REXO1: variants seen among roughly 807,000 people sequenced by gnomAD.
REXO1 encodes RNA exonuclease 1 homolog, also known as REX1, RNA exonuclease 1 homolog.
REXO1 carries 42 observed loss-of-function variants against 102.6 expected under a neutral mutation model. That is an observed-to-expected ratio of 0.41 (90% CI 0.32 to 0.53). The LOEUF (loss-of-function observed/expected upper bound fraction) is 0.53. REXO1 is among the 20% of genes least tolerant of loss of function. The pLI is 0.27. For missense variants in REXO1, 1,819 were observed against 1,732.5 expected (o/e 1.05, Z -0.89); for synonymous variants, 908 against 779.1 (o/e 1.17, Z -2.76).
chr19:1,836,637 T>C lies in REXO1; in HGVS notation c.158-8006A>G, dbSNP rs138221332. 4.7e-3 allele frequency among the ~76,000 whole-genome samples: 698 copies of C among 148,680 alleles called. 29 individuals carry two copies. In the East Asian group the frequency reaches 0.096, roughly 21 times the overall value. ...GGCAGGCGCCTATAGTCCCAGCTACTTGGGAGGCTGAGACAGGAGAATCAC... is the reference window on the plus strand; with the variant it reads ...GGCAGGCGCCTATAGTCCCAGCTACCTGGGAGGCTGAGACAGGAGAATCAC... On this transcript the variant is annotated intron_variant, in intron 1 of 15. Coordinates refer to ENST00000170168, the MANE Select transcript of REXO1 (RefSeq NM_020695.4).
At chr19:1,835,890 C>T (rs781449167) in intron 1 of REXO1, among the ~76,000 whole-genome samples, 33 of 152,320 alleles carry the variant, frequency 2.2e-4, no homozygotes, top group Admixed American at 1.0e-3. Flanking sequence ...CCCAGGGCAA[C>T]GCAGCCCAGC....
rs752494930 is a variant in REXO1 at position 1,815,922 on chromosome 19, C to G, written c.*144G>C. 9.1e-6 allele frequency: 14 copies of G among 1,534,602 alleles called. No individual in the cohort carries two copies. The highest frequency in any genetic ancestry group is 8.7e-7 in the Non-Finnish European group (1 of 1,146,416). ...GCGGGGGTGGGCTGGGCTGGGCGTT[C>G]TCTGGCCGCCAGCTCATCCCGCTGC... is the stretch of plus-strand genomic sequence containing the variant. On this transcript the variant is annotated 3_prime_UTR_variant, in exon 16 of 16. Coordinates refer to ENST00000170168, the MANE Select transcript of REXO1 (RefSeq NM_020695.4). This position sits in a 1 kb window ranked among gnomAD's most constrained non-coding sequence, Gnocchi z 4.0.
intron 1 of REXO1, among the ~76,000 whole-genome samples, chr19:1,836,601 C>T (rs1016908583): frequency 6.6e-6 from 1 of 152,118 alleles, no homozygotes; most frequent in Non-Finnish European, 1.5e-5. Flanking sequence ...CACAAATTAG[C>T]CGGGCGTGGC....
rs1390978033 is a variant in REXO1, at chr19:1,828,657, T to C, written c.158-26A>G. ...CTGAAGGGAACAGAGAGCACAGCTGTGACCAGCCTGCCGGAGAGGAGCCCG... is the reference window on the plus strand; with the variant it reads ...CTGAAGGGAACAGAGAGCACAGCTGCGACCAGCCTGCCGGAGAGGAGCCCG... On this transcript the variant is annotated intron_variant, in intron 1 of 15. Coordinates refer to ENST00000170168, the MANE Select transcript of REXO1 (RefSeq NM_020695.4). 4 of 1,568,662 alleles carry C rather than the reference T, an allele frequency of 2.5e-6. No individual in the cohort carries two copies. The East Asian group carries it at 6.9e-5, about 27-fold the overall frequency.
rs2069619085 is a variant in REXO1 at position 1,823,694 on chromosome 19, C to T, written c.2108G>A (p.Arg703Lys). ...VCYLRAQQAQ[R>K]ASASLLQAPA... ...GGCCTGCAGCAAGCTCGCCGATGCC[C>T]TCTGCGCCTGCTGGGCCCGCAGGTA... is the stretch of plus-strand genomic sequence containing the variant. Residue 703 changes from arginine (R) to lysine (K), a missense_variant, in exon 4 of 16, where the codon AGG becomes AAG. Transcript: ENST00000170168. 2 of 1,282,858 alleles carry T rather than the reference C, an allele frequency of 1.6e-6. No homozygotes were observed. Among genetic ancestry groups the T allele is most frequent in the African/African-American group, 1.5e-5 (1 of 65,654 alleles). The allele number at this position is 1,282,858 out of a possible 1,614,324, so 79.5% of individuals were successfully genotyped here.
chr19:1,833,002 A>C (rs1318936355), intron 1 of REXO1, among the ~76,000 whole-genome samples: 4 of 151,838 alleles, frequency 2.6e-5, no homozygotes, highest in Admixed American at 2.6e-4. Flanking sequence ...GGCCAAGATG[A>C]GCAGACTGCT....
At chr19:1,843,965 G>A (rs548701249) in intron 1 of REXO1, among the ~76,000 whole-genome samples, 3 of 152,340 alleles carry the variant, frequency 2.0e-5, no homozygotes, top group East Asian at 1.9e-4. Flanking sequence ...CTCCCTTCTC[G>A]CCTGACTCGG....
chr19:1,839,466 A>C (rs774717578), intron 1 of REXO1, among the ~76,000 whole-genome samples: 5 of 152,306 alleles, frequency 3.3e-5, no homozygotes, highest in Middle Eastern at 3.4e-3. Context: ...CCCCTCAGCC[A>C]GGGGTTCACA....
chr19:1,829,087 G>A (rs575308384), intron 1 of REXO1, among the ~76,000 whole-genome samples: 32 of 152,332 alleles, frequency 2.1e-4, no homozygotes, highest in African/African-American at 7.2e-4. Flanking sequence ...CAGCCAACAC[G>A]GCCCCACCCA....
intron 1 of REXO1, among the ~76,000 whole-genome samples, chr19:1,847,848 CAGG>C (rs1424455296): frequency 1.3e-5 from 2 of 152,124 alleles, no homozygotes; most frequent in Admixed American, 6.5e-5. Flanking sequence ...CAATCAGGGG[CAGG>C]AGGAGTCCAG....
At chr19:1,834,613 C>T (rs2069989799) in intron 1 of REXO1, among the ~76,000 whole-genome samples, 3 of 152,082 alleles carry the variant, frequency 2.0e-5, no homozygotes, top group Admixed American at 2.0e-4. Flanking sequence ...ACGGGGGTCT[C>T]GCTGTAATTG....
chr19:1,829,563 T>C (rs2069847138), intron 1 of REXO1, among the ~76,000 whole-genome samples: 1 of 152,076 alleles, frequency 6.6e-6, no homozygotes, highest in East Asian at 1.9e-4. Context: ...AATCCCAACA[T>C]TTTGGGAGGC....
rs749233043 is a variant in REXO1 at position 1,815,942 on chromosome 19, C to G, written c.*124G>C. ...GCGTTCTCTGGCCGCCAGCTCATCC[C>G]GCTGCTCTGGGCTGCCTCGGCCAGG... On this transcript the variant is annotated 3_prime_UTR_variant, in exon 16 of 16. Transcript: ENST00000170168. This position sits in a 1 kb window ranked among gnomAD's most constrained non-coding sequence, Gnocchi z 4.0. The G allele has an allele frequency of 2.0e-6, 3 of 1,534,978 alleles. No individual in the cohort carries two copies. The African/African-American group carries it at 4.1e-5, about 21-fold the overall frequency.
Position 1,840,308 on chromosome 19 carries a change from GC to G in REXO1, c.157+7893del, listed in dbSNP as rs577929770. On this transcript the variant is annotated intron_variant, in intron 1 of 15. Coordinates refer to ENST00000170168, the MANE Select transcript of REXO1 (RefSeq NM_020695.4). ...AGGAAACACTGACCCAGAGGCACGG[GC>G]CCCTCCACACCTGCAGCACACCGAC... is the stretch of plus-strand genomic sequence containing the variant. Among the ~76,000 whole-genome samples, 242 of 152,266 alleles carry G rather than the reference GC, an allele frequency of 1.6e-3. 2 individuals carry two copies. The highest frequency in any genetic ancestry group is 5.6e-3 in the Admixed American group (85 of 15,296).
At chr19:1,829,547 G>A (rs1045660870) in intron 1 of REXO1, among the ~76,000 whole-genome samples, 7 of 152,150 alleles carry the variant, frequency 4.6e-5, no homozygotes, top group African/African-American at 1.2e-4. Flanking sequence ...GGTGGCGCAC[G>A]CCTGTAATCC....
At chr19:1,829,722 C>T (rs531236281) in intron 1 of REXO1, among the ~76,000 whole-genome samples, 239 of 152,180 alleles carry the variant, frequency 1.6e-3, no homozygotes, top group Non-Finnish European at 2.4e-3. Flanking sequence ...GCAGGAGAAT[C>T]GCTTGAACCT....
chr19:1,829,083 A>G (rs1450607776), intron 1 of REXO1, among the ~76,000 whole-genome samples: 2 of 152,232 alleles, frequency 1.3e-5, no homozygotes, highest in East Asian at 3.8e-4. Flanking sequence ...TCCTCAGCCA[A>G]CACGGCCCCA....
rs757563078 is a variant in REXO1, at chr19:1,827,641, G to T, written c.1148C>A (p.Ala383Asp). 2 of 1,571,230 alleles carry T rather than the reference G, an allele frequency of 1.3e-6. No homozygotes were observed. The highest frequency in any genetic ancestry group is 1.7e-6 in the Non-Finnish European group (2 of 1,172,024). ...GTCTTTGCAGCTGGGGGCAGGTGGG[G>T]CCCCGGTTTTTTTCTTCTTGGGTTT... The part of the protein sequence containing the change: ...EGKPKKKKTG[A>D]PPAPSCKDGA... Residue 383 changes from alanine (A) to aspartate (D), a missense_variant, in exon 2 of 16, where the codon GCC becomes GAC. Coordinates refer to ENST00000170168, the MANE Select transcript of REXO1 (RefSeq NM_020695.4).
chr19:1,819,311 G>A (rs1382014564), intron 7 of REXO1, among the ~76,000 whole-genome samples, 180 bp from the exon 8 acceptor site: 1 of 152,032 alleles, frequency 6.6e-6, no homozygotes, highest in Non-Finnish European at 1.5e-5. Flanking sequence ...GACATGCGGT[G>A]AGCCAGGGAC....
Sources: gnomAD v4.1 joint callset for allele counts (sites outside exome capture counted in the v4.1 genomes callset) on GRCh38, gnomAD v4.1.1 for gene constraint, Gnocchi (gnomAD v3.1) non-coding constraint, MANE v1.5 for transcripts, NCBI Gene and HGNC (gene_info 2026-07-23, HGNC 2026-07-21) for gene names.